Variants in MFAP3L observed in about 807,000 individuals in gnomAD.
MFAP3L encodes microfibrillar-associated protein 3-like.
Under a neutral mutation model 20.0 loss-of-function variants are expected in MFAP3L, and 5 were observed. The observed-to-expected ratio is 0.25, with a 90% CI of 0.13 to 0.53. The LOEUF (loss-of-function observed/expected upper bound fraction) is 0.53, where lower values mean the gene tolerates loss of function less well. Ranked by LOEUF, MFAP3L falls within the 20% of genes least tolerant of loss-of-function variation. MFAP3L has a pLI of 0.96. For missense variants in MFAP3L, 409 were observed against 527.5 expected (o/e 0.78, Z 2.20); for synonymous variants, 219 against 213.0 (o/e 1.03, Z -0.25).
At position 169,991,524 on chromosome 4, in the gene MFAP3L, C is replaced by A. The variant is rs749560164; in HGVS notation, c.1084G>T (p.Asp362Tyr). Residue 362 changes from aspartate (D) to tyrosine (Y), a missense_variant, in exon 3 of 3, where the codon GAT becomes TAT. Transcript: ENST00000361618. This position sits in a 1 kb window ranked among gnomAD's most constrained non-coding sequence, Gnocchi z 4.9. Reference sequence around the variant, plus strand: ...GATGTTAGCTCGGTGGACGTGACATCGGTAGAAGGTTCTGCAGTTTCGGGG... The same window carrying A: ...GATGTTAGCTCGGTGGACGTGACATAGGTAGAAGGTTCTGCAGTTTCGGGG... ...HSPETAEPSTDVTSTELTSEE... is the reference protein window; with the variant it reads ...HSPETAEPSTYVTSTELTSEE... 5 of 1,614,026 alleles carry A rather than the reference C, an allele frequency of 3.1e-6. No homozygotes were observed. In the African/African-American group the frequency reaches 4.0e-5, roughly 13 times the overall value.
rs542972964 is a variant in MFAP3L, at chr4:169,990,508, A to C, written c.*870T>G. The C allele has an allele frequency of 6.5e-6, 1 of 152,794 alleles. No individual in the cohort carries two copies. Among genetic ancestry groups the C allele is most frequent in the South Asian group, 2.1e-4 (1 of 4,832 alleles). The allele number at this position is 152,794 out of a possible 1,614,324, so 9.5% of individuals were successfully genotyped here. On this transcript the variant is annotated 3_prime_UTR_variant, in exon 3 of 3. Transcript: ENST00000361618. ...CTTTATTTGGAGGATGATGTAACTT[A>C]AACAGTGACTTTCATGGGTGGTGTG...
intron 1 of MFAP3L, among the ~76,000 whole-genome samples, chr4:170,012,252 G>A (rs1739429836): frequency 6.6e-6 from 1 of 152,204 alleles, no homozygotes. Context: ...CAGATGCAAA[G>A]AGGTACAGGA....
chr4:169,994,086 C>T, intron 2 of MFAP3L: 1 of 772,218 alleles, frequency 1.3e-6, no homozygotes, highest in Non-Finnish European at 1.6e-6. Flanking sequence ...TAGACTACAG[C>T]AGGCATGGAC....
rs553603722 is a variant in MFAP3L at position 170,002,993 on chromosome 4, T to C, written c.298+2587A>G. Among the ~76,000 whole-genome samples the C allele has an allele frequency of 1.1e-3, 169 of 152,242 alleles. 1 individual carries two copies. Among genetic ancestry groups the C allele is most frequent in the African/African-American group, 3.9e-3 (161 of 41,544 alleles). ...AAGTTAAAGACTGTGGGTTTACCAA[T>C]AGGCCATTCCAGCTCTCAGATTCTG... On this transcript the variant is annotated intron_variant, in intron 2 of 2. Transcript: ENST00000361618.
At chr4:169,998,137 C>T (rs993173693) in intron 2 of MFAP3L, among the ~76,000 whole-genome samples, 4 of 152,210 alleles carry the variant, frequency 2.6e-5, no homozygotes, top group Admixed American at 6.5e-5. Context: ...GGTTCCACAC[C>T]GGGAAGGCAG....
chr4:169,991,109 T>C lies in MFAP3L; in HGVS notation c.*269A>G, dbSNP rs935901607. On this transcript the variant is annotated 3_prime_UTR_variant, in exon 3 of 3. Coordinates refer to ENST00000361618, the MANE Select transcript of MFAP3L (RefSeq NM_021647.8). This position sits in a 1 kb window ranked among gnomAD's most constrained non-coding sequence, Gnocchi z 4.9. ...AGAAGGCATCACCAATTAAGGTATTTGGCAGAGATCAGCCTCTGAAACTCA... is the reference window on the plus strand; with the variant it reads ...AGAAGGCATCACCAATTAAGGTATTCGGCAGAGATCAGCCTCTGAAACTCA... 3 of 492,652 alleles carry C rather than the reference T, an allele frequency of 6.1e-6. No individual in the cohort carries two copies. In the East Asian group the frequency reaches 1.0e-4, roughly 16 times the overall value. The allele number at this position is 492,652 out of a possible 1,614,324, so 30.5% of individuals were successfully genotyped here. A position where few individuals can be genotyped will look rare whatever the true frequency, so the allele number is the denominator to read the frequency against.
chr4:169,990,159 C>A lies in MFAP3L; in HGVS notation c.*1219G>T, dbSNP rs1335896493. 2 of 152,202 alleles carry A rather than the reference C, an allele frequency of 1.3e-5. No individual in the cohort carries two copies. Among genetic ancestry groups the A allele is most frequent in the Non-Finnish European group, 2.9e-5 (2 of 68,048 alleles). The allele number at this position is 152,202 out of a possible 1,614,324, so 9.4% of individuals were successfully genotyped here. On this transcript the variant is annotated 3_prime_UTR_variant, in exon 3 of 3. Coordinates refer to ENST00000361618, the MANE Select transcript of MFAP3L (RefSeq NM_021647.8). ...GGTTATTGGCACAGTGGGTATTAAG[C>A]CTTTGGATGACTAATTTTGTCTTCT... is the stretch of plus-strand genomic sequence containing the variant.
chr4:169,996,276 C>T lies in MFAP3L; in HGVS notation c.299-3967G>A, dbSNP rs533503262. 1.6e-4 allele frequency among the ~76,000 whole-genome samples: 22 copies of T among 138,190 alleles called. No individual in the cohort carries two copies. The South Asian group carries it at 4.4e-3, about 27-fold the overall frequency. The allele number at this position is 138,190 out of a possible 152,430, so 90.7% of individuals were successfully genotyped here. Reference sequence around the variant, plus strand: ...ACTGCAGGGCATGGGTTATGCCACACAACAAAGCTGACATTTGTAGAAGGG... The same window carrying T: ...ACTGCAGGGCATGGGTTATGCCACATAACAAAGCTGACATTTGTAGAAGGG... On this transcript the variant is annotated intron_variant, in intron 2 of 2. Coordinates refer to ENST00000361618, the MANE Select transcript of MFAP3L (RefSeq NM_021647.8).
chr4:169,994,612 A>G (rs1737999468), intron 2 of MFAP3L: 1 of 916,254 alleles, frequency 1.1e-6, no homozygotes, highest in Non-Finnish European at 1.3e-6. Flanking sequence ...CTAATCTACA[A>G]CCAAGCAGTT....
chr4:169,997,191 C>T (rs1011458396), intron 2 of MFAP3L, among the ~76,000 whole-genome samples: 2 of 152,094 alleles, frequency 1.3e-5, no homozygotes, highest in African/African-American at 4.8e-5. Flanking sequence ...ATTCCAACTA[C>T]TCCGAAGATC....
Position 169,991,097 on chromosome 4 carries a change from A to G in MFAP3L, c.*281T>C. ...TACTCTTTGCCAAGAAGGCATCACC[A>G]ATTAAGGTATTTGGCAGAGATCAGC... On this transcript the variant is annotated 3_prime_UTR_variant, in exon 3 of 3. Coordinates refer to ENST00000361618, the MANE Select transcript of MFAP3L (RefSeq NM_021647.8). The surrounding 1 kb of genome is among the most constrained non-coding windows in gnomAD (Gnocchi z 4.9). 6.5e-6 allele frequency: 3 copies of G among 463,184 alleles called. No individual in the cohort carries two copies. Among genetic ancestry groups the G allele is most frequent in the Non-Finnish European group, 7.6e-6 (2 of 261,624 alleles). 28.7% of individuals were successfully genotyped at this position (463,184 alleles called of 1,614,324 possible).
chr4:170,004,896 T>A (rs1418914839), intron 2 of MFAP3L: 2 of 152,282 alleles, frequency 1.3e-5, no homozygotes, highest in East Asian at 3.9e-4. Context: ...TTTCAGACAA[T>A]TACTTCTCGC....
At chr4:169,993,381 AGAAACCTCTCCTGAGAGCTGGGG>A (rs1305438643) in intron 2 of MFAP3L, among the ~76,000 whole-genome samples, 1 of 152,230 alleles carries the variant, frequency 6.6e-6, no homozygotes, top group Admixed American at 6.5e-5. Context: ...AGCCGACTAG[AGAAACCTCTCCTGAGAGCTGGGG>A]CAACTGAACG....
Position 169,992,286 on chromosome 4 carries a change from C to T in MFAP3L, c.322G>A (p.Gly108Ser), listed in dbSNP as rs150502329. Residue 108 changes from glycine to serine, a missense_variant, in exon 3 of 3, where the codon GGC becomes AGC. Transcript: ENST00000361618. The surrounding 1 kb of genome is among the most constrained non-coding windows in gnomAD (Gnocchi z 4.3). ...GATACCTTGGTGATGTTCAGGAGGC[C>T]GCTGTCGTGCATTTGCCATTTTCCT... ...GGGKWQMHDSGLLNITKVSFS... is the reference protein window; with the variant it reads ...GGGKWQMHDSSLLNITKVSFS... 107 of 1,610,112 alleles carry T rather than the reference C, an allele frequency of 6.6e-5. No individual in the cohort carries two copies. The highest frequency in any genetic ancestry group is 8.2e-5 in the Non-Finnish European group (96 of 1,177,508).
chr4:169,994,267 A>G, intron 2 of MFAP3L: 2 of 985,372 alleles, frequency 2.0e-6, no homozygotes, highest in Non-Finnish European at 2.4e-6. Flanking sequence ...ATTTGTGTGA[A>G]GAATGGTTAG....
At chr4:170,014,395 G>A (rs1739570463) in intron 1 of MFAP3L, among the ~76,000 whole-genome samples, 1 of 152,166 alleles carries the variant, frequency 6.6e-6, no homozygotes, top group Non-Finnish European at 1.5e-5. Context: ...GTGAAACCAG[G>A]CAGGAGCTGA....
rs1339402974 is a variant in MFAP3L, at chr4:169,991,604, C to A, written c.1004G>T (p.Gly335Val). 6.2e-7 allele frequency: 1 copy of A among 1,614,156 alleles called. No individual in the cohort carries two copies. Among genetic ancestry groups the A allele is most frequent in the Non-Finnish European group, 8.5e-7 (1 of 1,180,048 alleles). Reference protein sequence around the residue: ...SKKEHADDQEGGQFEVKDVEE... With the variant: ...SKKEHADDQEVGQFEVKDVEE... The stretch of plus-strand genomic sequence containing the variant: ...TACATCTTTGACTTCAAACTGTCCA[C>A]CCTCTTGGTCATCTGCATGCTCTTT... The change falls in exon 3 of 3, where the codon GGT becomes GTT. Residue 335 changes from glycine (G) to valine (V), a missense_variant. Coordinates refer to ENST00000361618, the MANE Select transcript of MFAP3L (RefSeq NM_021647.8). The surrounding 1 kb of genome is among the most constrained non-coding windows in gnomAD (Gnocchi z 4.9).
At position 169,987,674 on chromosome 4, in the gene MFAP3L, G is replaced by C. The variant is rs1737368216; in HGVS notation, c.*3704C>G. 6.6e-6 allele frequency: 1 copy of C among 152,150 alleles called. No individual in the cohort carries two copies. The highest frequency in any genetic ancestry group is 2.4e-5 in the African/African-American group (1 of 41,426). 9.4% of individuals were successfully genotyped at this position (152,150 alleles called of 1,614,324 possible). A position where few individuals can be genotyped will look rare whatever the true frequency, so the allele number is the denominator to read the frequency against. On this transcript the variant is annotated 3_prime_UTR_variant, in exon 3 of 3. Coordinates refer to ENST00000361618, the MANE Select transcript of MFAP3L (RefSeq NM_021647.8). ...TTGTGTTGGCTGCACGGGGCTTAGAGCATGCTGTTCCAAACATGCAAATGT... is the reference window on the plus strand; with the variant it reads ...TTGTGTTGGCTGCACGGGGCTTAGACCATGCTGTTCCAAACATGCAAATGT...
intron 1 of MFAP3L, among the ~76,000 whole-genome samples, chr4:170,016,884 G>C (rs545114815): frequency 6.6e-6 from 1 of 152,330 alleles, no homozygotes; most frequent in African/African-American, 2.4e-5. Flanking sequence ...TTGAGAGGCT[G>C]GTGATAAAGA....
Sources: gnomAD v4.1 joint callset for allele counts (sites outside exome capture counted in the v4.1 genomes callset) on GRCh38, gnomAD v4.1.1 for gene constraint, Gnocchi (gnomAD v3.1) non-coding constraint, MANE v1.5 for transcripts, NCBI Gene and HGNC (gene_info 2026-07-23, HGNC 2026-07-21) for gene names.